PCDHAC1: variants seen among roughly 807,000 people sequenced by gnomAD.
PCDHAC1 encodes the protein protocadherin alpha subfamily C, 1.
In PCDHAC1, 42 loss-of-function variants were observed where a neutral mutation model predicts 60.0. That is an observed-to-expected ratio of 0.70 (90% confidence interval 0.55 to 0.90). PCDHAC1 has a LOEUF of 0.90. PCDHAC1 is among the 40% of genes least tolerant of loss of function. PCDHAC1 has a pLI of 0.00. For missense variants in PCDHAC1, 1,160 were observed against 1,222.3 expected (o/e 0.95, Z 0.76); for synonymous variants, 468 against 499.3 (o/e 0.94, Z 0.84).
chr5:140,967,477 C>T (rs782240426), intron 1 of PCDHAC1: 1 of 1,613,396 alleles, frequency 6.2e-7, no homozygotes, highest in Non-Finnish European at 8.5e-7. Flanking sequence ...TCCCAGCCCG[C>T]TCGGGTACGG....
At chr5:140,943,050 A>G (rs1450755005) in intron 1 of PCDHAC1, among the ~76,000 whole-genome samples, 1 of 152,044 alleles carries the variant, frequency 6.6e-6, no homozygotes, top group African/African-American at 2.4e-5. Flanking sequence ...TGAGGTCAGG[A>G]GTTCAAGAAC....
intron 1 of PCDHAC1, among the ~76,000 whole-genome samples, chr5:140,932,418 ATTG>A (rs1457931424): frequency 1.3e-5 from 2 of 151,928 alleles, no homozygotes; most frequent in African/African-American, 4.8e-5. Context: ...ATATTAGTGT[ATTG>A]TTCACCTGGA....
chr5:140,985,111 G>A (rs1252708098), intron 3 of PCDHAC1, among the ~76,000 whole-genome samples: 2 of 151,892 alleles, frequency 1.3e-5, no homozygotes, highest in African/African-American at 2.4e-5. Context: ...CTAATTTTTT[G>A]TGTTTTTAGT....
intron 1 of PCDHAC1, chr5:140,930,241 C>T (rs2086688232): frequency 1.3e-5 from 2 of 152,148 alleles, no homozygotes; most frequent in African/African-American, 2.4e-5. Context: ...ATCCAAAGTC[C>T]ATTCAACTTG....
chr5:140,927,290 T>A lies in PCDHAC1; in HGVS notation c.398T>A (p.Ile133Asn), dbSNP rs1563090312. Residue 133 changes from isoleucine (I) to asparagine (N), a missense_variant, in exon 1 of 4, where the codon ATC (isoleucine) becomes AAC (asparagine). Physicochemically the swap from Ile to Asn is moderately radical, Grantham distance 149. This residue lies in a region of PCDHAC1 where 1,113 missense variants were observed against 1,163.7 expected (regional missense o/e 0.96). Transcript: ENST00000253807. ...LFPAGDVQLHIPEFLTPGARF... is the reference protein window; with the variant it reads ...LFPAGDVQLHNPEFLTPGARF... The stretch of plus-strand genomic sequence containing the variant: ...CCTGCCGGCGACGTGCAGCTGCACA[T>A]CCCCGAGTTCCTGACGCCCGGAGCC... 1.2e-6 allele frequency: 2 copies of A among 1,614,054 alleles called. No individual in the cohort carries two copies. The highest frequency in any genetic ancestry group is 1.7e-5 in the Admixed American group (1 of 60,022).
intron 1 of PCDHAC1, among the ~76,000 whole-genome samples, chr5:140,949,318 T>C (rs1554218908): frequency 6.6e-6 from 1 of 151,876 alleles, no homozygotes; most frequent in African/African-American, 2.4e-5. Flanking sequence ...GATTTATAAA[T>C]ATAAATTATT....
At position 140,927,825 on chromosome 5, in the gene PCDHAC1, GGCGAGGGA is replaced by G. The variant is rs782044178; in HGVS notation, c.934_941del (p.Ala312ArgfsTer8). On this transcript the variant is annotated frameshift_variant, in exon 1 of 4. Coordinates refer to ENST00000253807, the MANE Select transcript of PCDHAC1 (RefSeq NM_018898.5). LOFTEE classifies it high-confidence loss of function. Reference sequence around the variant, plus strand: ...AAACGCTCTTGGAGGCATACATTGAGGCGAGGGACGAAGGTGTCTTTGGTTTAGCTAGC... The same window carrying G: ...AAACGCTCTTGGAGGCATACATTGAGCGAAGGTGTCTTTGGTTTAGCTAGC... The G allele has an allele frequency of 6.2e-7, 1 of 1,614,098 alleles. No individual in the cohort carries two copies. The highest frequency in any genetic ancestry group is 8.5e-7 in the Non-Finnish European group (1 of 1,180,054).
intron 3 of PCDHAC1, among the ~76,000 whole-genome samples, chr5:141,000,387 CTCTCTCTCTA>C (rs1244377903): frequency 2.3e-3 from 152 of 66,802 alleles, no homozygotes; most frequent in African/African-American, 4.6e-3. Flanking sequence ...CTCTCTCTCT[CTCTCTCTCTA>C]TATATATATA....
chr5:140,927,673 G>C lies in PCDHAC1; in HGVS notation c.781G>C (p.Asp261His). 6.2e-7 allele frequency: 1 copy of C among 1,614,224 alleles called. No individual in the cohort carries two copies. Among genetic ancestry groups the C allele is most frequent in the Non-Finnish European group, 8.5e-7 (1 of 1,180,038 alleles). The change falls in exon 1 of 4, where the codon GAT (aspartate) becomes CAT (histidine). Residue 261 changes from aspartate (D) to histidine (H), a missense_variant. Around this residue, in one of 3 missense-constraint regions of PCDHAC1, gnomAD observed 1,113 missense variants for 1,163.7 expected, o/e 0.96. Transcript: ENST00000253807. ...ATTCCGAGTTCAAGCCTTGGATCCA[G>C]ATGAAGGGTCCAATGGGGAAGTCCA... ...VLFRVQALDP[D>H]EGSNGEVQYS...
intron 1 of PCDHAC1, among the ~76,000 whole-genome samples, chr5:140,932,330 G>A (rs1339060592): frequency 6.6e-6 from 1 of 151,860 alleles, no homozygotes; most frequent in African/African-American, 2.4e-5. Context: ...TAGCAAAAAT[G>A]CATGAAACAC....
intron 3 of PCDHAC1, among the ~76,000 whole-genome samples, chr5:140,993,585 G>T (rs2097574142): frequency 6.6e-6 from 1 of 151,526 alleles, no homozygotes; most frequent in Admixed American, 6.6e-5. Flanking sequence ...GCTTTTCTTG[G>T]CTTGGCTCCA....
Position 140,929,404 on chromosome 5 carries a change from G to A in PCDHAC1, c.2433+79G>A, listed in dbSNP as rs530409256. 1.4e-5 allele frequency: 21 copies of A among 1,506,596 alleles called. No individual in the cohort carries two copies. The South Asian group carries it at 1.9e-4, about 14-fold the overall frequency. The allele number at this position is 1,506,596 out of a possible 1,614,324, so 93.3% of individuals were successfully genotyped here. A position where few individuals can be genotyped will look rare whatever the true frequency, so the allele number is the denominator to read the frequency against. ...GTGTTTTGAAATATTTCTTAGACAAGCCTTTCACAACATTTCATCAATTGA... is the reference window on the plus strand; with the variant it reads ...GTGTTTTGAAATATTTCTTAGACAAACCTTTCACAACATTTCATCAATTGA... On this transcript the variant is annotated intron_variant, in intron 1 of 3. Coordinates refer to ENST00000253807, the MANE Select transcript of PCDHAC1 (RefSeq NM_018898.5).
rs1563650230 is a variant in PCDHAC1, at chr5:141,000,393, C to CTA, written c.2582-9233_2582-9232insAT. Among the ~76,000 whole-genome samples, 150 of 52,842 alleles carry CTA rather than the reference C, an allele frequency of 2.8e-3. 1 individual carries two copies. The highest frequency in any genetic ancestry group is 4.0e-3 in the Non-Finnish European group (125 of 31,360). 34.7% of individuals were successfully genotyped at this position (52,842 alleles called of 152,430 possible). A position where few individuals can be genotyped will look rare whatever the true frequency, so the allele number is the denominator to read the frequency against. On this transcript the variant is annotated intron_variant, in intron 3 of 3. Coordinates refer to ENST00000253807, the MANE Select transcript of PCDHAC1 (RefSeq NM_018898.5). ...TCTCTCTCTCTCTCTCTCTCTCTCT[C>CTA]TCTATATATATATATATATATATAT... is the stretch of plus-strand genomic sequence containing the variant.
At chr5:140,993,464 A>T (rs1309811031) in intron 3 of PCDHAC1, among the ~76,000 whole-genome samples, 11 of 28,960 alleles carry the variant, frequency 3.8e-4, no homozygotes, top group South Asian at 2.7e-3. Flanking sequence ...TTTCTTTCTC[A>T]CACACACACA....
At position 140,928,998 on chromosome 5, in the gene PCDHAC1, C is replaced by G. The variant is rs1448389331; in HGVS notation, c.2106C>G (p.Phe702Leu). Residue 702 changes from phenylalanine (F) to leucine (L), a missense_variant, in exon 1 of 4, where the codon TTC (phenylalanine) becomes TTG (leucine). This residue lies in a region of PCDHAC1 where 1,113 missense variants were observed against 1,163.7 expected (regional missense o/e 0.96). Coordinates refer to ENST00000253807, the MANE Select transcript of PCDHAC1 (RefSeq NM_018898.5). The stretch of plus-strand genomic sequence containing the variant: ...TATTTCTGGGGTGCTTACTTTTCTT[C>G]GTGTGTACCAAGTTGCACCAGAGCC... ...SFLFLGCLLF[F>L]VCTKLHQSPG... The G allele has an allele frequency of 8.1e-6, 13 of 1,613,784 alleles. No individual in the cohort carries two copies. The Admixed American group carries it at 2.2e-4, about 27-fold the overall frequency.
intron 3 of PCDHAC1, among the ~76,000 whole-genome samples, chr5:141,000,955 T>G (rs1237087024): frequency 6.6e-6 from 1 of 152,210 alleles, no homozygotes; most frequent in Non-Finnish European, 1.5e-5. Flanking sequence ...CTTGCTGTAA[T>G]TTAAGCCTTC....
chr5:140,948,403 T>A (rs2153683270), intron 1 of PCDHAC1, among the ~76,000 whole-genome samples: 1 of 151,756 alleles, frequency 6.6e-6, no homozygotes, highest in Non-Finnish European at 1.5e-5. Context: ...GGTTGTGTAA[T>A]ATTGGTGTTA....
chr5:140,967,391 C>T, intron 1 of PCDHAC1: 1 of 1,609,676 alleles, frequency 6.2e-7, no homozygotes, highest in South Asian at 1.1e-5. Flanking sequence ...AGTGCTTGAG[C>T]TGGTGCTGCG....
At chr5:140,978,788 T>TA (rs2096823213) in intron 1 of PCDHAC1, 161 bp from the exon 2 acceptor site, 1 of 974,810 alleles carries the variant, frequency 1.0e-6, no homozygotes, top group Non-Finnish European at 1.2e-6. Flanking sequence ...TCTAAAGTGC[T>TA]ATATATGTAG....
Sources: allele counts gnomAD v4.1 joint callset (sites outside exome capture counted in the v4.1 genomes callset), GRCh38; gene constraint gnomAD v4.1.1; regional missense constraint gnomAD v4.1.1; transcripts MANE v1.5; gene names NCBI Gene and HGNC (gene_info 2026-07-23, HGNC 2026-07-21).